The following ASAP1 variants were observed in gnomAD, a reference collection of about 807,000 sequenced individuals.
The protein encoded by ASAP1 is ArfGAP with SH3 domain, ankyrin repeat and PH domain 1.
A neutral mutation model predicts 145.2 loss-of-function variants in ASAP1; 43 were observed. That is an observed-to-expected ratio of 0.30 (90% CI 0.23 to 0.38). The LOEUF (loss-of-function observed/expected upper bound fraction) is 0.38. Ranked by LOEUF, ASAP1 falls within the 10% of genes least tolerant of loss-of-function variation. The pLI is 1.00. For synonymous variants in ASAP1, 546 were observed against 515.5 expected, an observed-to-expected ratio of 1.06 and a Z score of -0.80; for missense variants, 1,018 against 1,355.3, an observed-to-expected ratio of 0.75 and a Z score of 3.91.
chr8:130,269,213 A>T (rs1480177995), intron 3 of ASAP1, among the ~76,000 whole-genome samples: 2 of 152,212 alleles, frequency 1.3e-5, no homozygotes, highest in African/African-American at 4.8e-5. Context: ...TGCATTCTTT[A>T]GACTTAAGAA....
rs58367856 is a variant in ASAP1 at position 130,151,370 on chromosome 8, C to CAAAAAAAAAAAAAA, written c.1080+1352_1080+1365dup. Reference sequence around the variant, plus strand: ...TGGGTGAAAGAGCGAGACTCAGTCTCAAAAAAAAAAAAAAAAAAAAAAAAA... The same window carrying CAAAAAAAAAAAAAA: ...TGGGTGAAAGAGCGAGACTCAGTCTCAAAAAAAAAAAAAAAAAAAAAAAAAAAAAAAAAAAAAAA... On this transcript the variant is annotated intron_variant, in intron 13 of 29. Transcript: ENST00000518721. 2.1e-4 allele frequency among the ~76,000 whole-genome samples: 13 copies of CAAAAAAAAAAAAAA among 62,856 alleles called. 1 individual carries two copies. The highest frequency in any genetic ancestry group is 0.013 in the Middle Eastern group (1 of 80). 41.2% of individuals were successfully genotyped at this position (62,856 alleles called of 152,430 possible).
chr8:130,266,257 A>G (rs1315879612), intron 3 of ASAP1, among the ~76,000 whole-genome samples: 1 of 152,130 alleles, frequency 6.6e-6, no homozygotes, highest in Non-Finnish European at 1.5e-5. Flanking sequence ...GTCTGACCTG[A>G]GATTACATAA....
chr8:130,065,308 C>T (rs1001562274), intron 27 of ASAP1, among the ~76,000 whole-genome samples: 1 of 152,152 alleles, frequency 6.6e-6, no homozygotes, highest in Non-Finnish European at 1.5e-5. Flanking sequence ...GTCGCCCTCC[C>T]GGCACGTGAG....
At chr8:130,424,128 CTA>C (rs1377598820) in intron 1 of ASAP1, among the ~76,000 whole-genome samples, 1 of 152,004 alleles carries the variant, frequency 6.6e-6, no homozygotes, top group Non-Finnish European at 1.5e-5. Context: ...ACAAAAGAAA[CTA>C]TAAAAGGCCT....
At chr8:130,079,360 TC>T in intron 26 of ASAP1, among the ~76,000 whole-genome samples, 1 of 151,330 alleles carries the variant, frequency 6.6e-6, no homozygotes, top group Non-Finnish European at 1.5e-5. Flanking sequence ...CCGTAAGAGA[TC>T]TCCTCAAGTA....
At chr8:130,171,207 T>A (rs1813575255) in intron 9 of ASAP1, among the ~76,000 whole-genome samples, 1 of 152,220 alleles carries the variant, frequency 6.6e-6, no homozygotes, top group African/African-American at 2.4e-5. Flanking sequence ...TCTTTTTCAA[T>A]CCATCCTTCC....
In ASAP1 at chr8:130,196,274, G is replaced by A. The variant is rs556800265; in HGVS notation, c.406-8091C>T. 5.5e-4 allele frequency among the ~76,000 whole-genome samples: 84 copies of A among 152,158 alleles called. 1 individual carries two copies. In the Middle Eastern group the frequency reaches 0.014, roughly 25 times the overall value. On this transcript the variant is annotated intron_variant, in intron 5 of 29. Coordinates refer to ENST00000518721, the MANE Select transcript of ASAP1 (RefSeq NM_018482.4). ...GGAGAATCGCTTGAACCTGGGAGGT[G>A]GAGGATGCAGTGAGCTGAGATCACG...
intron 12 of ASAP1, among the ~76,000 whole-genome samples, chr8:130,153,748 G>A (rs544847455): frequency 3.1e-4 from 47 of 152,088 alleles, no homozygotes; most frequent in African/African-American, 1.1e-3. Context: ...ATGAATGACA[G>A]GTACTACAAT....
At chr8:130,097,290 C>T (rs1027414767) in intron 24 of ASAP1, among the ~76,000 whole-genome samples, 2 of 152,034 alleles carry the variant, frequency 1.3e-5, no homozygotes, top group Non-Finnish European at 2.9e-5. Context: ...CCTCAAGGCA[C>T]TCTGCTCTGT....
In ASAP1 at chr8:130,136,514, C is replaced by T. The variant is rs1482272279; in HGVS notation, c.1168+437G>A. 5.3e-5 allele frequency among the ~76,000 whole-genome samples: 8 copies of T among 150,968 alleles called. No individual in the cohort carries two copies. The South Asian group carries it at 1.7e-3, about 32-fold the overall frequency. On this transcript the variant is annotated intron_variant, in intron 14 of 29. Coordinates refer to ENST00000518721, the MANE Select transcript of ASAP1 (RefSeq NM_018482.4). ...TGGCACATCTGCATTCCCAAGTCTACATCCGTGCTTCTTAACCACAGGTGC... is the reference window on the plus strand; with the variant it reads ...TGGCACATCTGCATTCCCAAGTCTATATCCGTGCTTCTTAACCACAGGTGC...
chr8:130,205,817 A>G lies in ASAP1; in HGVS notation c.405+8739T>C, dbSNP rs190679082. 3.2e-4 allele frequency among the ~76,000 whole-genome samples: 48 copies of G among 149,146 alleles called. No homozygotes were observed. In the East Asian group the frequency reaches 9.1e-3, roughly 28 times the overall value. On this transcript the variant is annotated intron_variant, in intron 5 of 29. Transcript: ENST00000518721. ...GTGTGCTGCATAATATAAGGCATGT[A>G]CACCCTGTCACCCTTCTGAAATCGG...
At chr8:130,329,693 CAA>C (rs1180593898) in intron 3 of ASAP1, among the ~76,000 whole-genome samples, 3 of 152,148 alleles carry the variant, frequency 2.0e-5, no homozygotes, top group Non-Finnish European at 4.4e-5. Flanking sequence ...TAAGAAAAAA[CAA>C]AGAGCTCTGA....
chr8:130,333,622 A>G (rs532710523), intron 3 of ASAP1, among the ~76,000 whole-genome samples: 29 of 152,172 alleles, frequency 1.9e-4, no homozygotes, highest in African/African-American at 6.0e-4. Context: ...AAACAAAACA[A>G]AACAAAAAAC....
At chr8:130,221,900 C>G (rs1817313748) in intron 4 of ASAP1, among the ~76,000 whole-genome samples, 1 of 152,192 alleles carries the variant, frequency 6.6e-6, no homozygotes, top group Admixed American at 6.5e-5. Context: ...TGGCATTTAC[C>G]TCACAGAGAT....
chr8:130,116,635 G>A, intron 22 of ASAP1, 43 bp downstream of exon 22: 1 of 1,535,360 alleles, frequency 6.5e-7, no homozygotes, highest in Non-Finnish European at 9.0e-7. Flanking sequence ...CACTTTTAAG[G>A]CAGCCAATGT....
intron 27 of ASAP1, among the ~76,000 whole-genome samples, chr8:130,072,825 G>GTGTGTGTGTGTGTGCGCGCGCGCA: frequency 7.4e-5 from 4 of 54,116 alleles, no homozygotes; most frequent in Middle Eastern, 8.1e-3. Flanking sequence ...GTGTGTGTGT[G>GTGTGTGTGTGTGTGCGCGCGCGCA]CGCGCGGGGG....
At chr8:130,090,179 C>T (rs921241288) in intron 25 of ASAP1, among the ~76,000 whole-genome samples, 3 of 152,156 alleles carry the variant, frequency 2.0e-5, no homozygotes, top group East Asian at 3.8e-4. Context: ...TGATGATTTT[C>T]AAGCCAGAAA....
chr8:130,353,046 A>G (rs1431008172), intron 3 of ASAP1, among the ~76,000 whole-genome samples: 1 of 152,204 alleles, frequency 6.6e-6, no homozygotes, highest in African/African-American at 2.4e-5. Context: ...CAATCTGTAT[A>G]TTGACTACAT....
intron 5 of ASAP1, among the ~76,000 whole-genome samples, chr8:130,198,492 G>A (rs1216064318): frequency 6.6e-6 from 1 of 151,998 alleles, no homozygotes; most frequent in African/African-American, 2.4e-5. Flanking sequence ...TCCCTGCCTC[G>A]TCTGCAAGGC....
Sources: allele counts gnomAD v4.1 joint callset (sites outside exome capture counted in the v4.1 genomes callset), GRCh38; gene constraint gnomAD v4.1.1; transcripts MANE v1.5; gene names NCBI Gene and HGNC (gene_info 2026-07-23, HGNC 2026-07-21).